Variants in ADGB observed in about 807,000 individuals in gnomAD.
The protein encoded by ADGB is androglobin.
In ADGB, 172 loss-of-function variants were observed where a neutral mutation model predicts 210.5. The ratio of observed to expected loss-of-function variants is 0.82; its 90% CI spans 0.72 to 0.93. The LOEUF is 0.93. ADGB is among the 40% of genes least tolerant of loss of function. The pLI, the probability that ADGB is intolerant of heterozygous loss-of-function variation, is 0.00. For synonymous variants in ADGB, 658 were observed against 662.7 expected (o/e 0.99, Z 0.11); for missense variants, 2,025 against 1,964.8 (o/e 1.03, Z -0.58).
chr6:146,710,708 T>A (rs1174641046), intron 13 of ADGB, among the ~76,000 whole-genome samples: 1 of 152,146 alleles, frequency 6.6e-6, no homozygotes, highest in Non-Finnish European at 1.5e-5. Context: ...AAAAAAAATT[T>A]AAATTATTGA....
intron 19 of ADGB, 30 bp from the exon 20 acceptor site, chr6:146,728,541 AGTG>A: frequency 6.5e-7 from 1 of 1,541,244 alleles, no homozygotes; most frequent in Non-Finnish European, 8.8e-7. Context: ...CTTAAGGATG[AGTG>A]AGGATGGCTG....
chr6:146,649,935 CATACAT>C (rs1476348434), intron 3 of ADGB, among the ~76,000 whole-genome samples: 1 of 152,164 alleles, frequency 6.6e-6, no homozygotes, highest in Non-Finnish European at 1.5e-5. Flanking sequence ...GCACAATACA[CATACAT>C]ATACCTAAAC....
chr6:146,765,129 T>C (rs1355485117), intron 28 of ADGB, among the ~76,000 whole-genome samples: 1 of 152,046 alleles, frequency 6.6e-6, no homozygotes, highest in East Asian at 1.9e-4. Flanking sequence ...ATAGAAACAT[T>C]ATATAAAAAT....
intron 1 of ADGB, among the ~76,000 whole-genome samples, chr6:146,602,688 A>G (rs1056765172): frequency 6.6e-6 from 1 of 152,216 alleles, no homozygotes; most frequent in African/African-American, 2.4e-5. Flanking sequence ...GCTGCGGACC[A>G]GTACCAGTCC....
At chr6:146,708,996 C>A (rs892150083) in intron 13 of ADGB, among the ~76,000 whole-genome samples, 1 of 151,968 alleles carries the variant, frequency 6.6e-6, no homozygotes, top group Non-Finnish European at 1.5e-5. Flanking sequence ...CTGCTGTTGA[C>A]CTTCTCTTGC....
chr6:146,674,355 G>T lies in ADGB; in HGVS notation c.1087+1888G>T, dbSNP rs532068757. ...TTTGTGAATCTAGTGAAGGAAAATTGGTTTTTTTTTTTAAGTGATGACTGG... is the reference window on the plus strand; with the variant it reads ...TTTGTGAATCTAGTGAAGGAAAATTTGTTTTTTTTTTTAAGTGATGACTGG... On this transcript the variant is annotated intron_variant, in intron 8 of 35. Transcript: ENST00000397944. Among the ~76,000 whole-genome samples, 56 of 151,998 alleles carry T rather than the reference G, an allele frequency of 3.7e-4. No individual in the cohort carries two copies. The East Asian group carries it at 7.2e-3, about 19-fold the overall frequency.
At chr6:146,702,032 A>G (rs1776499304) in intron 13 of ADGB, among the ~76,000 whole-genome samples, 1 of 151,964 alleles carries the variant, frequency 6.6e-6, no homozygotes, top group African/African-American at 2.4e-5. Flanking sequence ...CTGTATTGAC[A>G]AATTTGTAAT....
intron 12 of ADGB, 39 bp from the exon 13 acceptor site, chr6:146,700,902 T>A (rs1776480042): frequency 7.2e-6 from 11 of 1,529,986 alleles, no homozygotes; most frequent in Non-Finnish European, 8.8e-6. Context: ...AAACAGAAGA[T>A]CAAAATAACA....
At chr6:146,765,164 C>T (rs1777553902) in intron 28 of ADGB, among the ~76,000 whole-genome samples, 1 of 151,942 alleles carries the variant, frequency 6.6e-6, no homozygotes, top group Admixed American at 6.6e-5. Flanking sequence ...ATCAAGTAGA[C>T]ATGGCCATAA....
At position 146,745,927 on chromosome 6, in the gene ADGB, A is replaced by T; in HGVS notation, c.3183A>T (p.Gly1061=). 6.5e-7 allele frequency: 1 copy of T among 1,544,500 alleles called. No homozygotes were observed. The highest frequency in any genetic ancestry group is 8.7e-7 in the Non-Finnish European group (1 of 1,143,512). Residue 1061 remains glycine, a synonymous_variant, in exon 26 of 36, where the codon GGA becomes GGT. Transcript: ENST00000397944. ...VPYLYTKNKK[G]YTFVAEAFTG... is the part of the protein sequence containing the mutation. ...GTAATTTGTCTTTCTTATAGAAGGG[A>T]TACACTTTTGTGGCGGAAGCATTTA... is the stretch of plus-strand genomic sequence containing the variant.
At chr6:146,636,868 G>T (rs954315926) in intron 2 of ADGB, among the ~76,000 whole-genome samples, 2 of 151,984 alleles carry the variant, frequency 1.3e-5, no homozygotes, top group African/African-American at 4.8e-5. Context: ...AATATAACAA[G>T]TATCCTGGGA....
chr6:146,771,933 T>C (rs1777658189), intron 29 of ADGB, among the ~76,000 whole-genome samples: 1 of 152,206 alleles, frequency 6.6e-6, no homozygotes, highest in Non-Finnish European at 1.5e-5. Flanking sequence ...CTGATTTGTT[T>C]TGTTTTGCTT....
At chr6:146,806,127 T>G (rs953541350) in intron 35 of ADGB, among the ~76,000 whole-genome samples, 2 of 152,202 alleles carry the variant, frequency 1.3e-5, no homozygotes, top group African/African-American at 2.4e-5. Context: ...AAAAGGGAAT[T>G]TCAGGATTGC....
At chr6:146,610,398 G>A (rs1780689341) in intron 1 of ADGB, among the ~76,000 whole-genome samples, 1 of 152,154 alleles carries the variant, frequency 6.6e-6, no homozygotes, top group East Asian at 1.9e-4. Flanking sequence ...TGGTCATTTG[G>A]AGGTAAGAAG....
rs187078810 is a variant in ADGB, at chr6:146,695,512, T to C, written c.1577+2597T>C. ...TGAATTGATTAAAATATTAAAATAT[T>C]TTGAAGCACCTAAGTTATTCAGTAT... On this transcript the variant is annotated intron_variant, in intron 12 of 35. Transcript: ENST00000397944. Among the ~76,000 whole-genome samples the C allele has an allele frequency of 3.3e-5, 5 of 152,132 alleles. No individual in the cohort carries two copies. The East Asian group carries it at 7.7e-4, about 23-fold the overall frequency.
chr6:146,649,692 T>C (rs962016212), intron 3 of ADGB, among the ~76,000 whole-genome samples: 2 of 152,016 alleles, frequency 1.3e-5, no homozygotes, highest in Admixed American at 6.6e-5. Flanking sequence ...AATTTTGCCA[T>C]GTTTTCCAGG....
chr6:146,789,480 A>G (rs1358331512), intron 33 of ADGB, among the ~76,000 whole-genome samples: 1 of 152,236 alleles, frequency 6.6e-6, no homozygotes, highest in Non-Finnish European at 1.5e-5. Flanking sequence ...TTTTCTCAAA[A>G]TTGCTAAACA....
At chr6:146,768,839 A>G (rs1777612692) in intron 28 of ADGB, among the ~76,000 whole-genome samples, 181 bp from the exon 29 acceptor site, 1 of 152,190 alleles carries the variant, frequency 6.6e-6, no homozygotes, top group Non-Finnish European at 1.5e-5. Context: ...ATGTGGGGCT[A>G]TTAAACTTTT....
At chr6:146,693,775 T>G (rs1218231355) in intron 12 of ADGB, among the ~76,000 whole-genome samples, 1 of 152,126 alleles carries the variant, frequency 6.6e-6, no homozygotes, top group African/African-American at 2.4e-5. Context: ...GCTTAGAAAT[T>G]TCCTCAATCC....
Sources: gnomAD v4.1 joint callset for allele counts (sites outside exome capture counted in the v4.1 genomes callset) on GRCh38, gnomAD v4.1.1 for gene constraint, MANE v1.5 for transcripts, NCBI Gene and HGNC (gene_info 2026-07-23, HGNC 2026-07-21) for gene names.